Variants in RP1 observed in about 807,000 individuals in gnomAD.
RP1 encodes the protein RP1 axonemal microtubule associated, also known as oxygen-regulated protein 1.
In RP1, 16 loss-of-function variants were observed where a neutral mutation model predicts 14.8. That is an observed-to-expected ratio of 1.08 (90% CI 0.73 to 1.65). The LOEUF is 1.65. RP1 is among the 40% of genes most tolerant of loss of function. The pLI is 0.00. For missense variants in RP1, 2,631 were observed against 2,535.0 expected, an observed-to-expected ratio of 1.04 and a Z score of -0.81; for synonymous variants, 876 against 883.6, an observed-to-expected ratio of 0.99 and a Z score of 0.15.
chr8:54,611,356 G>C (rs767399096), upstream of RP1, among the ~76,000 whole-genome samples: 11 of 151,990 alleles, frequency 7.2e-5, no homozygotes, highest in Non-Finnish European at 1.3e-4. Flanking sequence ...GGTATCCCCA[G>C]GTCCTTCAAA....
At chr8:54,727,151 C>A (rs1417509935) in intron 17 of RP1, among the ~76,000 whole-genome samples, 1 of 151,984 alleles carries the variant, frequency 6.6e-6, no homozygotes, top group African/African-American at 2.4e-5. Context: ...GGTATGCTAG[C>A]TTTTCTTTTA....
intron 24 of RP1, among the ~76,000 whole-genome samples, chr8:54,790,524 G>A (rs373960450): frequency 1.7e-4 from 26 of 150,268 alleles, no homozygotes; most frequent in African/African-American, 6.4e-4. Flanking sequence ...TGTTTGACAA[G>A]GAATTGAGAA....
At chr8:54,858,690 G>A (rs1207816672) in intron 27 of RP1, among the ~76,000 whole-genome samples, 7 of 151,806 alleles carry the variant, frequency 4.6e-5, no homozygotes, top group Admixed American at 3.3e-4. Flanking sequence ...CTGTAGAGTG[G>A]CGTTTCTGTA....
At position 54,621,222 on chromosome 8, in the gene RP1, C is replaced by A. The variant is rs757674289; in HGVS notation, c.256C>A (p.Pro86Thr). 1.4e-5 allele frequency: 22 copies of A among 1,613,990 alleles called. No homozygotes were observed. In the East Asian group the frequency reaches 4.7e-4, roughly 34 times the overall value. The change falls in exon 2 of 4, where the codon CCT (proline) becomes ACT (threonine). Residue 86 changes from proline (P) to threonine (T), a missense_variant. Pro to Thr is a conservative substitution (Grantham distance 38). Coordinates refer to ENST00000220676, the MANE Select transcript of RP1 (RefSeq NM_006269.2). ...TTTTGGAGTGAGGAACATCAGCACCCCTCGGGGCAGGCACAGCATCACGCG... is the reference window on the plus strand; with the variant it reads ...TTTTGGAGTGAGGAACATCAGCACCACTCGGGGCAGGCACAGCATCACGCG... The part of the protein sequence containing the change: ...LPFGVRNIST[P>T]RGRHSITRLE...
chr8:54,830,340 G>T (rs1407418835), intron 24 of RP1, among the ~76,000 whole-genome samples: 1 of 150,816 alleles, frequency 6.6e-6, no homozygotes, highest in Non-Finnish European at 1.5e-5. Flanking sequence ...GTGCAGGTTT[G>T]TTACATATGT....
intron 23 of RP1, among the ~76,000 whole-genome samples, chr8:54,779,254 C>G (rs2129378917): frequency 6.6e-6 from 1 of 152,296 alleles, no homozygotes; most frequent in Non-Finnish European, 1.5e-5. Context: ...TTCCTGTGTC[C>G]TCCTCTGTCA....
At chr8:54,598,956 T>C (rs955748029) in intron 1 of RP1, among the ~76,000 whole-genome samples, 3 of 152,200 alleles carry the variant, frequency 2.0e-5, no homozygotes, top group Admixed American at 6.5e-5. Flanking sequence ...TGTAAATTTC[T>C]TTGGGTTTTT....
chr8:54,642,636 C>G (rs1008596281), intron 3 of RP1, among the ~76,000 whole-genome samples: 10 of 152,022 alleles, frequency 6.6e-5, no homozygotes, highest in African/African-American at 2.4e-4. Context: ...ATGATTGTAT[C>G]TAAATATTTG....
chr8:54,842,649 A>T (rs1039319031), intron 25 of RP1, among the ~76,000 whole-genome samples: 4 of 152,126 alleles, frequency 2.6e-5, no homozygotes, highest in Non-Finnish European at 5.9e-5. Context: ...TCTCAACCCC[A>T]CTGACAGAGT....
intron 2 of RP1, 95 bp downstream of exon 2, chr8:54,621,676 A>T: frequency 6.4e-7 from 1 of 1,570,172 alleles, no homozygotes; most frequent in Admixed American, 1.7e-5. Context: ...CCGGGAAGGA[A>T]ATCTTCCTTC....
At chr8:54,865,877 A>T (rs2129329950) in exon 28 of RP1, 1 of 1,230,342 alleles carries the variant, frequency 8.1e-7, no homozygotes. Context: ...AAGTCTGAAG[A>T]TGAAGACAGC....
At chr8:54,687,046 C>T (rs1807579773) in intron 12 of RP1, among the ~76,000 whole-genome samples, 1 of 151,982 alleles carries the variant, frequency 6.6e-6, no homozygotes, top group Non-Finnish European at 1.5e-5. Context: ...TTTATTCATG[C>T]CATGTCAGAC....
intron 3 of RP1, among the ~76,000 whole-genome samples, chr8:54,645,730 T>A (rs1806532245): frequency 6.6e-6 from 1 of 152,220 alleles, no homozygotes. Flanking sequence ...CTATTCCAAA[T>A]GGTTTATATA....
chr8:54,663,691 G>T (rs772944247), intron 6 of RP1: 2 of 1,505,684 alleles, frequency 1.3e-6, no homozygotes, highest in Admixed American at 4.6e-5. Context: ...TTTTTCTTAT[G>T]TTGTCAGTGA....
chr8:54,620,946 C>G lies in RP1; in HGVS notation c.-12-9C>G. 6.2e-7 allele frequency: 1 copy of G among 1,613,728 alleles called. No homozygotes were observed. The highest frequency in any genetic ancestry group is 8.5e-7 in the Non-Finnish European group (1 of 1,179,660). On this transcript the variant is annotated splice_polypyrimidine_tract_variant and intron_variant, in intron 1 of 3. Transcript: ENST00000220676. The stretch of plus-strand genomic sequence containing the variant: ...TGTGATTCTGGAGATAATTTTCTTT[C>G]TTCTCTAGGTCTCAGCCAAAATGAG...
intron 3 of RP1, among the ~76,000 whole-genome samples, chr8:54,623,893 C>T (rs1047531518): frequency 2.0e-5 from 3 of 152,050 alleles, no homozygotes; most frequent in Non-Finnish European, 4.4e-5. Context: ...AATAGGTAAG[C>T]GGTATTTGGT....
At chr8:54,599,770 T>C (rs1320583048) in intron 1 of RP1, among the ~76,000 whole-genome samples, 1 of 152,222 alleles carries the variant, frequency 6.6e-6, no homozygotes, top group Non-Finnish European at 1.5e-5. Context: ...CTTTTGTCAT[T>C]CAAGTTGAGA....
At chr8:54,586,086 T>C (rs1486907617) in intron 1 of RP1, among the ~76,000 whole-genome samples, 2 of 152,170 alleles carry the variant, frequency 1.3e-5, no homozygotes, top group Non-Finnish European at 2.9e-5. Flanking sequence ...ATTTTTAGAG[T>C]TTCCAGTTTT....
intron 3 of RP1, among the ~76,000 whole-genome samples, chr8:54,641,681 G>A (rs1044208414): frequency 2.0e-5 from 3 of 152,094 alleles, no homozygotes; most frequent in East Asian, 1.9e-4. Flanking sequence ...ATGAGAATGC[G>A]TGGTCTAATT....
Sources: gnomAD v4.1 joint callset for allele counts (sites outside exome capture counted in the v4.1 genomes callset) on GRCh38, gnomAD v4.1.1 for gene constraint, MANE v1.5 for transcripts, NCBI Gene and HGNC (gene_info 2026-07-23, HGNC 2026-07-21) for gene names.